The following HTR3D variants were observed in gnomAD, a reference collection of about 807,000 sequenced individuals.
The protein encoded by HTR3D is 5-hydroxytryptamine (serotonin) receptor 3 family member D.
A neutral mutation model predicts 45.8 loss-of-function variants in HTR3D; 47 were observed. That is an observed-to-expected ratio of 1.03 (90% CI 0.81 to 1.31). The LOEUF is 1.31. Among genes scored for constraint, HTR3D ranks in the 50% most tolerant of loss-of-function variants. The pLI, the probability that HTR3D is intolerant of heterozygous loss-of-function variation, is 0.00. For missense variants in HTR3D, 448 were observed against 506.9 expected, an observed-to-expected ratio of 0.88 and a Z score of 1.12; for synonymous variants, 203 against 199.8, an observed-to-expected ratio of 1.02 and a Z score of -0.13.
intron 1 of HTR3D, among the ~76,000 whole-genome samples, chr3:184,033,916 CA>C (rs911376312): frequency 6.6e-6 from 1 of 151,544 alleles, no homozygotes; most frequent in African/African-American, 2.4e-5. Flanking sequence ...GACTCTGTCT[CA>C]AAAAAACAAA....
At position 184,037,045 on chromosome 3, in the gene HTR3D, T is replaced by G. The variant is rs979103631; in HGVS notation, c.516+149T>G. The G allele has an allele frequency of 6.9e-6, 5 of 720,594 alleles. No individual in the cohort carries two copies. In the Admixed American group the frequency reaches 1.5e-4, roughly 22 times the overall value. The allele number at this position is 720,594 out of a possible 1,614,324, so 44.6% of individuals were successfully genotyped here. A position where few individuals can be genotyped will look rare whatever the true frequency, so the allele number is the denominator to read the frequency against. The stretch of plus-strand genomic sequence containing the variant: ...GCCCGGCCTTTGTCACTCTTTTTTT[T>G]TTTTTAAATTTGAGATAGAGTTTTG... On this transcript the variant is annotated intron_variant, in intron 5 of 7. Coordinates refer to ENST00000428798, the MANE Select transcript of HTR3D (RefSeq NM_001145143.1).
Position 184,038,774 on chromosome 3 carries a change from G to A in HTR3D, c.1014G>A (p.Gly338=), listed in dbSNP as rs1722990798. 15 of 1,610,218 alleles carry A rather than the reference G, an allele frequency of 9.3e-6. No individual in the cohort carries two copies. Among genetic ancestry groups the A allele is most frequent in the Non-Finnish European group, 1.3e-5 (15 of 1,178,014 alleles). Residue 338 remains glycine, a synonymous_variant, in exon 8 of 8, where the codon GGG becomes GGA. Transcript: ENST00000428798. This position sits in a 1 kb window ranked among gnomAD's most constrained non-coding sequence, Gnocchi z 4.5. ...PGVKEPEVSA[G]QMPGPGEAEL... is the part of the protein sequence containing the mutation. ...TGAAGGAGCCAGAGGTATCAGCAGGGCAGATGCCAGGCCCTGGGGAGGCAG... is the reference window on the plus strand; with the variant it reads ...TGAAGGAGCCAGAGGTATCAGCAGGACAGATGCCAGGCCCTGGGGAGGCAG...
At position 184,039,048 on chromosome 3, in the gene HTR3D, A is replaced by AT. The variant is rs11274156; in HGVS notation, c.*73_*74insT. ...AACTCCAGAAACCAGTCAGGCTCTC[A>AT]GTCAGCCTTGTGGCCCTGTCAACCG... is the stretch of plus-strand genomic sequence containing the variant. On this transcript the variant is annotated 3_prime_UTR_variant, in exon 8 of 8. Coordinates refer to ENST00000428798, the MANE Select transcript of HTR3D (RefSeq NM_001145143.1). 0.64 allele frequency: 978,652 copies of AT among 1,519,196 alleles called. 321,868 individuals are homozygous for AT. Among genetic ancestry groups the AT allele is most frequent in the East Asian group, 0.93 (41,175 of 44,292 alleles). The allele number at this position is 1,519,196 out of a possible 1,614,324, so 94.1% of individuals were successfully genotyped here. A position where few individuals can be genotyped will look rare whatever the true frequency, so the allele number is the denominator to read the frequency against.
chr3:184,033,888 GC>G (rs1226641754), intron 1 of HTR3D, among the ~76,000 whole-genome samples: 1 of 152,176 alleles, frequency 6.6e-6, no homozygotes, highest in Non-Finnish European at 1.5e-5. Context: ...CTGCACTCTA[GC>G]CTGGGTGACA....
intron 1 of HTR3D, among the ~76,000 whole-genome samples, chr3:184,034,399 T>C (rs919759866): frequency 6.6e-6 from 1 of 152,160 alleles, no homozygotes; most frequent in Non-Finnish European, 1.5e-5. Context: ...GAAAGTAGAA[T>C]AGCTGTTGCC....
intron 1 of HTR3D, among the ~76,000 whole-genome samples, chr3:184,034,252 G>A (rs1722822523): frequency 6.6e-6 from 1 of 152,060 alleles, no homozygotes; most frequent in Admixed American, 6.5e-5. Flanking sequence ...ACTTACAATG[G>A]AATACTATGC....
At position 184,033,119 on chromosome 3, in the gene HTR3D, A is replaced by ATTTTT; in HGVS notation, c.66+1326_66+1330dup. 43 of 907,996 alleles carry ATTTTT rather than the reference A, an allele frequency of 4.7e-5. No individual in the cohort carries two copies. In the African/African-American group the frequency reaches 6.0e-4, roughly 13 times the overall value. 56.2% of individuals were successfully genotyped at this position (907,996 alleles called of 1,614,324 possible). A position where few individuals can be genotyped will look rare whatever the true frequency, so the allele number is the denominator to read the frequency against. ...GGTGAGCAGTGGACCCTCTGACTGG[A>ATTTTT]TTTTTTTTTTTTTTTTTTGAGATGG... On this transcript the variant is annotated intron_variant, in intron 1 of 7. Coordinates refer to ENST00000428798, the MANE Select transcript of HTR3D (RefSeq NM_001145143.1).
At chr3:184,032,892 C>T (rs1214860171) in intron 1 of HTR3D, 3 of 1,552,074 alleles carry the variant, frequency 1.9e-6, no homozygotes, top group Non-Finnish European at 2.6e-6. Context: ...CTGCTCACTA[C>T]AGGAAATGGC....
Position 184,038,169 on chromosome 3 carries a change from G to A in HTR3D, c.665G>A (p.Gly222Asp), listed in dbSNP as rs772424806. The change falls in exon 6 of 8, where the codon GGC (glycine) becomes GAC (aspartate). Residue 222 changes from glycine (G) to aspartate (D), a missense_variant. Coordinates refer to ENST00000428798, the MANE Select transcript of HTR3D (RefSeq NM_001145143.1). This position sits in a 1 kb window ranked among gnomAD's most constrained non-coding sequence, Gnocchi z 4.5. ...CAPFKMTVLL[G>D]YSVFLLMMND... ...CCATTCAAGATGACTGTTCTGCTGGGCTACAGCGTCTTCCTGCTCATGATG... is the reference window on the plus strand; with the variant it reads ...CCATTCAAGATGACTGTTCTGCTGGACTACAGCGTCTTCCTGCTCATGATG... The A allele has an allele frequency of 7.4e-6, 12 of 1,614,052 alleles. No homozygotes were observed. The African/African-American group carries it at 1.3e-4, about 18-fold the overall frequency.
At position 184,036,758 on chromosome 3, in the gene HTR3D, G is replaced by C. The variant is rs534644299; in HGVS notation, c.378G>C (p.Trp126Cys). ...ALSPTQVTRA[W>C]RRMSRSFQIH... ...AGTGGAGAACACGAGCCCGGGCATG[G>C]AGAAGGATGTCCAGGAGCTTTCAAA... Residue 126 changes from tryptophan (W) to cysteine (C), a missense_variant, in exon 5 of 8, where the codon TGG becomes TGC. By Grantham distance (215) the Trp-to-Cys change is radical. Coordinates refer to ENST00000428798, the MANE Select transcript of HTR3D (RefSeq NM_001145143.1). The C allele has an allele frequency of 6.4e-7, 1 of 1,552,254 alleles. No individual in the cohort carries two copies. Among genetic ancestry groups the C allele is most frequent in the Admixed American group, 2.0e-5 (1 of 51,014 alleles).
intron 5 of HTR3D, 33 bp downstream of exon 5, chr3:184,036,929 T>C (rs556731364): frequency 6.5e-7 from 1 of 1,545,546 alleles, no homozygotes; most frequent in East Asian, 2.4e-5. Context: ...GGTTTCACCA[T>C]GTTGGCCAGG....
In HTR3D at chr3:184,032,711, G is replaced by A. The variant is rs992383707; in HGVS notation, c.66+904G>A. On this transcript the variant is annotated intron_variant, in intron 1 of 7. Coordinates refer to ENST00000428798, the MANE Select transcript of HTR3D (RefSeq NM_001145143.1). ...GGGACAAAACAATGGCACTGAGGAT[G>A]GATCCTTGACTCAGCTCACCTCATC... The A allele has an allele frequency of 6.4e-5, 47 of 731,304 alleles. No individual in the cohort carries two copies. In the South Asian group the frequency reaches 8.4e-4, roughly 13 times the overall value. The allele number at this position is 731,304 out of a possible 1,614,324, so 45.3% of individuals were successfully genotyped here.
chr3:184,033,137 T>TTTTTTTTTA (rs1722796245), intron 1 of HTR3D: 1 of 914,576 alleles, frequency 1.1e-6, no homozygotes, highest in African/African-American at 1.7e-5. Context: ...TTTTTTTTTT[T>TTTTTTTTTA]GAGATGGAGT....
Position 184,036,013 on chromosome 3 carries a change from A to C in HTR3D, c.112-2A>C, listed in dbSNP as rs1722876295. 6.4e-7 allele frequency: 1 copy of C among 1,551,518 alleles called. No homozygotes were observed. Among genetic ancestry groups the C allele is most frequent in the Non-Finnish European group, 8.7e-7 (1 of 1,146,942 alleles). Reference sequence around the variant, plus strand: ...CGGCCTTGGCACAATCAATTTGTGCAGTGGAACCCAGATGAATGCGGAGGC... The same window carrying C: ...CGGCCTTGGCACAATCAATTTGTGCCGTGGAACCCAGATGAATGCGGAGGC... On this transcript the variant is annotated splice_acceptor_variant, in intron 2 of 7. Transcript: ENST00000428798. LOFTEE classifies it high-confidence loss of function.
chr3:184,037,975 C>T (rs1022644588), intron 5 of HTR3D, 46 bp from the exon 6 acceptor site: 1 of 1,597,196 alleles, frequency 6.3e-7, no homozygotes, highest in African/African-American at 1.3e-5. Flanking sequence ...GTCTTGACAG[C>T]CTCCCAGCCT....
intron 3 of HTR3D, 130 bp from the exon 4 acceptor site, chr3:184,036,245 G>T: frequency 6.7e-7 from 1 of 1,492,540 alleles, no homozygotes; most frequent in South Asian, 1.3e-5. Flanking sequence ...TATGATTATA[G>T]GTAGAAGAGA....
At chr3:184,035,954 A>G in intron 2 of HTR3D, 61 bp from the exon 3 acceptor site, 2 of 1,522,264 alleles carry the variant, frequency 1.3e-6, no homozygotes, top group South Asian at 1.2e-5. Flanking sequence ...CAGCCTTCCA[A>G]AGTGCTGGGA....
At chr3:184,036,683 A>C in intron 4 of HTR3D, 65 bp from the exon 5 acceptor site, 1 of 1,560,764 alleles carries the variant, frequency 6.4e-7, no homozygotes, top group Non-Finnish European at 8.7e-7. Flanking sequence ...CAGTCTGGGC[A>C]AGGGACTTGG....
At chr3:184,035,690 C>CT (rs760703035) in intron 2 of HTR3D, among the ~76,000 whole-genome samples, 12,414 of 143,010 alleles carry the variant, frequency 0.087, 637 homozygotes, top group Middle Eastern at 0.12. Context: ...ACAATCAATT[C>CT]TTTTTTTTTT....
Sources: gnomAD v4.1 joint callset for allele counts (sites outside exome capture counted in the v4.1 genomes callset) on GRCh38, gnomAD v4.1.1 for gene constraint, Gnocchi (gnomAD v3.1) non-coding constraint, MANE v1.5 for transcripts, NCBI Gene and HGNC (gene_info 2026-07-23, HGNC 2026-07-21) for gene names.